Variants in MBD5 observed in about 807,000 individuals in gnomAD.
MBD5 encodes methyl-CpG binding domain protein 5, also known as methyl-CpG-binding domain protein 5.
MBD5 carries 13 observed loss-of-function variants against 117.3 expected under a neutral mutation model. That is an observed-to-expected ratio of 0.11 (90% CI 0.07 to 0.18). The LOEUF (loss-of-function observed/expected upper bound fraction) is 0.18. Among genes scored for constraint, MBD5 ranks in the 10% least tolerant of loss-of-function variants. MBD5 has a pLI of 1.00. For missense variants in MBD5, 1,879 were observed against 2,093.8 expected (o/e 0.90, Z 2.00); for synonymous variants, 727 against 766.4 (o/e 0.95, Z 0.85).
At position 148,516,542 on chromosome 2, in the gene MBD5, ACT is replaced by A. The variant is rs1682347200; in HGVS notation, c.*3604_*3605del. On this transcript the variant is annotated 3_prime_UTR_variant, in exon 14 of 14. Transcript: ENST00000642680. ...ATTAGTTCATCTTTTTCTTTCATTC[ACT>A]CTATCACATTTGCATTAGCCAAAGA... 2 of 152,272 alleles carry A rather than the reference ACT, an allele frequency of 1.3e-5. No homozygotes were observed. Among genetic ancestry groups the A allele is most frequent in the African/African-American group, 4.8e-5 (2 of 41,568 alleles). 9.4% of individuals were successfully genotyped at this position (152,272 alleles called of 1,614,324 possible).
At chr2:148,134,992 G>A (rs1228615606) in intron 1 of MBD5, among the ~76,000 whole-genome samples, 1 of 152,262 alleles carries the variant, frequency 6.6e-6, no homozygotes, top group African/African-American at 2.4e-5. Context: ...TTCTAACCTG[G>A]AAGATGAATG....
intron 1 of MBD5, among the ~76,000 whole-genome samples, chr2:148,164,411 G>T (rs1272787009): frequency 6.6e-6 from 1 of 151,950 alleles, no homozygotes; most frequent in Non-Finnish European, 1.5e-5. Context: ...CCATAGAGAA[G>T]GGGACATTTG....
At chr2:148,477,730 T>C (rs1330479651) in intron 8 of MBD5, among the ~76,000 whole-genome samples, 4 of 152,170 alleles carry the variant, frequency 2.6e-5, no homozygotes, top group Admixed American at 6.5e-5. Flanking sequence ...TCCATTTTTA[T>C]TAAGGATTAC....
intron 11 of MBD5, among the ~76,000 whole-genome samples, chr2:148,492,175 A>G (rs1681547191): frequency 6.9e-6 from 1 of 144,718 alleles, no homozygotes; most frequent in Admixed American, 6.9e-5. Flanking sequence ...GATGTACTTT[A>G]AAAAAAAAAA....
Position 148,468,649 on chromosome 2 carries a change from T to G in MBD5, c.706T>G (p.Ser236Ala), listed in dbSNP as rs1680674275. The G allele has an allele frequency of 6.2e-7, 1 of 1,613,870 alleles. No homozygotes were observed. Among genetic ancestry groups the G allele is most frequent in the Admixed American group, 1.7e-5 (1 of 59,984 alleles). The change falls in exon 8 of 14, where the codon TCA becomes GCA. Residue 236 changes from serine to alanine, a missense_variant. Ser to Ala is a moderately conservative substitution (Grantham distance 99). Transcript: ENST00000642680. ...AGGTTCCCAGATATATGGAGATGGT[T>G]CAATCTCTCCAAGGACTGACCCACT... The part of the protein sequence containing the change: ...SSGSQIYGDG[S>A]ISPRTDPLGS...
At chr2:148,414,760 T>C (rs1361273161) in intron 4 of MBD5, among the ~76,000 whole-genome samples, 1 of 152,218 alleles carries the variant, frequency 6.6e-6, no homozygotes, top group Non-Finnish European at 1.5e-5. Flanking sequence ...AAAGTCTGTT[T>C]AGTATGATAC....
intron 8 of MBD5, chr2:148,471,008 A>C (rs963482399): frequency 1.3e-5 from 2 of 152,248 alleles, no homozygotes; most frequent in African/African-American, 4.8e-5. Flanking sequence ...CTAGTTTGCT[A>C]TCCTTATTAT....
Position 148,344,248 on chromosome 2 carries a change from A to G in MBD5, c.-557+1912A>G, listed in dbSNP as rs73015125. ...AGTATAGTTTGAAGTTGGGTAATGT[A>G]ATGCTTTCAGATTTGTTCTTTTTGC... On this transcript the variant is annotated intron_variant, in intron 4 of 13. Transcript: ENST00000642680. Among the ~76,000 whole-genome samples, 627 of 152,050 alleles carry G rather than the reference A, an allele frequency of 4.1e-3. 6 individuals are homozygous for G. The highest frequency in any genetic ancestry group is 0.014 in the African/African-American group (587 of 41,518).
chr2:148,243,409 G>A (rs997030677), intron 3 of MBD5, among the ~76,000 whole-genome samples: 2 of 151,944 alleles, frequency 1.3e-5, no homozygotes, highest in African/African-American at 2.4e-5. Flanking sequence ...GGGAAAAGCT[G>A]TATTATTAAA....
At chr2:148,503,458 A>C (rs1163838213) in intron 12 of MBD5, among the ~76,000 whole-genome samples, 1 of 152,238 alleles carries the variant, frequency 6.6e-6, no homozygotes, top group Non-Finnish European at 1.5e-5. Context: ...TAGAAGGCTT[A>C]TATAATGATA....
chr2:148,257,257 G>A (rs1487828867), intron 3 of MBD5, among the ~76,000 whole-genome samples: 1 of 152,204 alleles, frequency 6.6e-6, no homozygotes, highest in African/African-American at 2.4e-5. Flanking sequence ...TAGGGCTTAT[G>A]CCTGCTGAAT....
Position 148,183,939 on chromosome 2 carries a change from T to A in MBD5, c.-831+5146T>A, listed in dbSNP as rs374792502. Reference sequence around the variant, plus strand: ...ATTCCCTAATCACATTGTAAAAAAATTTTTTTAATTAATTTAAAAAAATAA... The same window carrying A: ...ATTCCCTAATCACATTGTAAAAAAAATTTTTTAATTAATTTAAAAAAATAA... On this transcript the variant is annotated intron_variant, in intron 2 of 13. Coordinates refer to ENST00000642680, the MANE Select transcript of MBD5 (RefSeq NM_001378120.1). Among the ~76,000 whole-genome samples the A allele has an allele frequency of 7.4e-3, 1,108 of 150,382 alleles. 6 individuals are homozygous for A. Among genetic ancestry groups the A allele is most frequent in the Non-Finnish European group, 0.01 (708 of 67,988 alleles).
rs1243301816 is a variant in MBD5 at position 148,458,585 on chromosome 2, A to G, written c.-174A>G. ...TAATGGGAAGCTGATTTTTTTCACA[A>G]TGGCATATTTCAAGGACTTGGTTCC... On this transcript the variant is annotated 5_prime_UTR_variant, in exon 5 of 14. The change abolishes an upstream ATG in the 5' untranslated region. Coordinates refer to ENST00000642680, the MANE Select transcript of MBD5 (RefSeq NM_001378120.1). The G allele has an allele frequency of 2.4e-5, 15 of 637,336 alleles. No individual in the cohort carries two copies. The highest frequency in any genetic ancestry group is 4.0e-5 in the Non-Finnish European group (14 of 352,740). The allele number at this position is 637,336 out of a possible 1,614,324, so 39.5% of individuals were successfully genotyped here.
At chr2:148,337,829 ACT>A (rs1702838234) in intron 3 of MBD5, among the ~76,000 whole-genome samples, 1 of 151,802 alleles carries the variant, frequency 6.6e-6, no homozygotes, top group South Asian at 2.1e-4. Flanking sequence ...CTGACCTTCC[ACT>A]CTTTCTTGTA....
chr2:148,413,065 G>A (rs1329484267), intron 4 of MBD5, among the ~76,000 whole-genome samples: 2 of 151,970 alleles, frequency 1.3e-5, no homozygotes, highest in Non-Finnish European at 2.9e-5. Flanking sequence ...TCCAGATTTT[G>A]CTCATTAAGT....
chr2:148,335,040 C>T (rs552111585), intron 3 of MBD5, among the ~76,000 whole-genome samples: 1 of 152,230 alleles, frequency 6.6e-6, no homozygotes, highest in South Asian at 2.1e-4. Context: ...ATATGTAGAG[C>T]TTAATCTCTT....
At chr2:148,126,600 C>A (rs972528293) in intron 1 of MBD5, among the ~76,000 whole-genome samples, 3 of 152,076 alleles carry the variant, frequency 2.0e-5, no homozygotes, top group Non-Finnish European at 2.9e-5. Flanking sequence ...ACGAAGCAAT[C>A]CTTGTTTATA....
At position 148,516,846 on chromosome 2, in the gene MBD5, T is replaced by A. The variant is rs1030799314; in HGVS notation, c.*3905T>A. 16 of 152,268 alleles carry A rather than the reference T, an allele frequency of 1.1e-4. No homozygotes were observed. Among genetic ancestry groups the A allele is most frequent in the Non-Finnish European group, 2.1e-4 (14 of 68,044 alleles). The allele number at this position is 152,268 out of a possible 1,614,324, so 9.4% of individuals were successfully genotyped here. A position where few individuals can be genotyped will look rare whatever the true frequency, so the allele number is the denominator to read the frequency against. On this transcript the variant is annotated 3_prime_UTR_variant, in exon 14 of 14. Transcript: ENST00000642680. ...GAAAAATGGTTGATTTAATAATTTGTTATGTAAATACAAAGTTGTCTATAA... is the reference window on the plus strand; with the variant it reads ...GAAAAATGGTTGATTTAATAATTTGATATGTAAATACAAAGTTGTCTATAA...
At chr2:148,321,220 A>G (rs1049067379) in intron 3 of MBD5, among the ~76,000 whole-genome samples, 27 of 152,194 alleles carry the variant, frequency 1.8e-4, no homozygotes, top group African/African-American at 6.0e-4. Context: ...AGGGTGTCCA[A>G]TCTCTTTGGC....
Sources: gnomAD v4.1 joint callset for allele counts (sites outside exome capture counted in the v4.1 genomes callset) on GRCh38, gnomAD v4.1.1 for gene constraint, MANE v1.5 for transcripts, NCBI Gene and HGNC (gene_info 2026-07-23, HGNC 2026-07-21) for gene names.